The following APBA2 variants were observed in gnomAD, a reference collection of about 807,000 sequenced individuals.
APBA2 encodes amyloid-beta A4 precursor protein-binding family A member 2.
A neutral mutation model predicts 75.0 loss-of-function variants in APBA2; 30 were observed. That is an observed-to-expected ratio of 0.40 (90% CI 0.30 to 0.54). APBA2 has a LOEUF of 0.54. Ranked by LOEUF, APBA2 falls within the 20% of genes least tolerant of loss-of-function variation. The pLI, the probability that APBA2 is intolerant of heterozygous loss-of-function variation, is 0.49. For missense variants in APBA2, 801 were observed against 1,016.1 expected (o/e 0.79, Z 2.88); for synonymous variants, 444 against 409.6 (o/e 1.08, Z -1.01).
chr15:28,975,845 A>G (rs1355832290), intron 2 of APBA2, among the ~76,000 whole-genome samples: 3 of 152,234 alleles, frequency 2.0e-5, no homozygotes, highest in Non-Finnish European at 2.9e-5. Context: ...AAACAAAACA[A>G]TACAAGTTTG....
chr15:29,062,102 T>C (rs1377046541), intron 4 of APBA2, among the ~76,000 whole-genome samples: 1 of 151,860 alleles, frequency 6.6e-6, no homozygotes, highest in African/African-American at 2.4e-5. Flanking sequence ...TGGGGGGCAT[T>C]GGGGCATGGT....
At chr15:29,053,715 C>A in intron 3 of APBA2, 130 bp from the exon 4 acceptor site, 1 of 625,490 alleles carries the variant, frequency 1.6e-6, no homozygotes, top group Non-Finnish European at 2.8e-6. Flanking sequence ...GGATGGCGCA[C>A]TGTTTGAACA....
chr15:29,067,114 C>G (rs2042411840), intron 4 of APBA2, among the ~76,000 whole-genome samples: 1 of 152,014 alleles, frequency 6.6e-6, no homozygotes, highest in African/African-American at 2.4e-5. Context: ...CTTGTGCACT[C>G]AAAGTAAAAC....
chr15:28,963,263 T>G (rs2036569683), intron 2 of APBA2, among the ~76,000 whole-genome samples: 1 of 152,216 alleles, frequency 6.6e-6, no homozygotes, highest in African/African-American at 2.4e-5. Flanking sequence ...GGGATGCCCT[T>G]CTGTTGGAGA....
At chr15:28,886,795 T>C (rs573251434) in intron 1 of APBA2, among the ~76,000 whole-genome samples, 79 of 152,226 alleles carry the variant, frequency 5.2e-4, no homozygotes, top group African/African-American at 1.8e-3. Context: ...GGAAAACTTA[T>C]CAATTCAAAA....
chr15:28,987,977 G>A (rs1048522976), intron 2 of APBA2, among the ~76,000 whole-genome samples: 2 of 151,456 alleles, frequency 1.3e-5, no homozygotes, highest in Admixed American at 6.6e-5. Flanking sequence ...GGCTGGTCTC[G>A]AATTCCTGAC....
chr15:29,033,224 A>G (rs1210968160), intron 3 of APBA2, among the ~76,000 whole-genome samples: 2 of 152,128 alleles, frequency 1.3e-5, no homozygotes, highest in African/African-American at 4.8e-5. Context: ...GACAAGGCCC[A>G]CGTCTGCTGC....
chr15:29,114,619 A>G (rs2152984951), intron 14 of APBA2, among the ~76,000 whole-genome samples: 1 of 151,146 alleles, frequency 6.6e-6, no homozygotes, highest in Admixed American at 6.6e-5. Context: ...GGGTGTGTGC[A>G]TGTGGATGTG....
intron 6 of APBA2, among the ~76,000 whole-genome samples, chr15:29,084,270 T>A (rs1420560100): frequency 6.6e-6 from 1 of 152,214 alleles, no homozygotes; most frequent in Admixed American, 6.5e-5. Context: ...TTCTATTACT[T>A]CTTCTTGCTT....
chr15:28,996,577 C>A (rs1346998152), intron 3 of APBA2, among the ~76,000 whole-genome samples: 1 of 152,224 alleles, frequency 6.6e-6, no homozygotes, highest in Non-Finnish European at 1.5e-5. Context: ...TGGAGACACA[C>A]AAGGCAGCGG....
intron 13 of APBA2, among the ~76,000 whole-genome samples, chr15:29,112,227 C>T (rs2044772246): frequency 1.3e-5 from 2 of 152,202 alleles, no homozygotes; most frequent in Non-Finnish European, 2.9e-5. Flanking sequence ...TGCCTGGCCA[C>T]CTGGGGAGCA....
At chr15:28,906,444 T>C (rs149934691) in intron 1 of APBA2, among the ~76,000 whole-genome samples, 131 of 152,346 alleles carry the variant, frequency 8.6e-4, no homozygotes, top group African/African-American at 3.1e-3. Flanking sequence ...AATGCTGACA[T>C]GTGGAGTCTC....
chr15:29,011,756 T>C (rs1168085376), intron 3 of APBA2, among the ~76,000 whole-genome samples: 2 of 152,242 alleles, frequency 1.3e-5, no homozygotes, highest in Non-Finnish European at 2.9e-5. Context: ...CTAATAGACA[T>C]AAATTTCATA....
intron 2 of APBA2, among the ~76,000 whole-genome samples, chr15:28,986,843 C>T (rs1291065292): frequency 6.6e-6 from 1 of 152,156 alleles, no homozygotes; most frequent in Non-Finnish European, 1.5e-5. Context: ...TAACAAAATA[C>T]CATAAACTAG....
rs1007844801 is a variant in APBA2, at chr15:28,991,005, T to G, written c.-94-4748T>G. Among the ~76,000 whole-genome samples the G allele has an allele frequency of 6.6e-6, 1 of 152,250 alleles. No homozygotes were observed. The highest frequency in any genetic ancestry group is 2.4e-5 in the African/African-American group (1 of 41,466). On this transcript the variant is annotated intron_variant, in intron 2 of 14. Transcript: ENST00000683413. This position sits in a 1 kb window ranked among gnomAD's most constrained non-coding sequence, Gnocchi z 4.7. Reference sequence around the variant, plus strand: ...GAGTCTTGAGGTTTGAGCTTTCTATTCTAAAGGCTCAGCTTCTTGCCCAGG... The same window carrying G: ...GAGTCTTGAGGTTTGAGCTTTCTATGCTAAAGGCTCAGCTTCTTGCCCAGG...
intron 4 of APBA2, among the ~76,000 whole-genome samples, chr15:29,062,984 G>A (rs1287057237): frequency 7.3e-6 from 1 of 136,122 alleles, no homozygotes; most frequent in East Asian, 2.3e-4. Flanking sequence ...GGTGGGGAGG[G>A]GAGTTGATCT....
At chr15:29,108,579 G>A (rs2044563487) in intron 13 of APBA2, 190 bp downstream of exon 13, 2 of 838,864 alleles carry the variant, frequency 2.4e-6, no homozygotes, top group East Asian at 2.7e-5. Flanking sequence ...TGGCTAGAAG[G>A]GGAGGGCCAG....
chr15:28,991,412 T>TCCTTGTGCCGGAGCTCA lies in APBA2; in HGVS notation c.-94-4314_-94-4298dup, dbSNP rs150767819. ...CTACAGGGCCGGGCCGCAGGAGGCGTCCTTGTGCCGGAGCTCACCTTGTGC... is the reference window on the plus strand; with the variant it reads ...CTACAGGGCCGGGCCGCAGGAGGCGTCCTTGTGCCGGAGCTCACCTTGTGCCGGAGCTCACCTTGTGC... On this transcript the variant is annotated intron_variant, in intron 2 of 14. Coordinates refer to ENST00000683413, the MANE Select transcript of APBA2 (RefSeq NM_001353788.2). The surrounding 1 kb of genome is among the most constrained non-coding windows in gnomAD (Gnocchi z 4.7). Among the ~76,000 whole-genome samples, 7 of 151,784 alleles carry TCCTTGTGCCGGAGCTCA rather than the reference T, an allele frequency of 4.6e-5. No individual in the cohort carries two copies. The highest frequency in any genetic ancestry group is 4.2e-4 in the South Asian group (2 of 4,816).
intron 2 of APBA2, among the ~76,000 whole-genome samples, chr15:28,982,833 G>A (rs2037697875): frequency 6.6e-6 from 1 of 152,232 alleles, no homozygotes; most frequent in African/African-American, 2.4e-5. Flanking sequence ...TACAGGGCTG[G>A]TGTCCAGCCT....
Sources: allele counts gnomAD v4.1 joint callset (sites outside exome capture counted in the v4.1 genomes callset), GRCh38; gene constraint gnomAD v4.1.1; non-coding constraint Gnocchi (gnomAD v3.1); transcripts MANE v1.5; gene names NCBI Gene and HGNC (gene_info 2026-07-23, HGNC 2026-07-21).